The following ZDHHC17 variants were observed in gnomAD, a reference collection of about 807,000 sequenced individuals.
ZDHHC17 encodes zDHHC palmitoyltransferase 17, also known as palmitoyltransferase ZDHHC17.
ZDHHC17 carries 40 observed loss-of-function variants against 90.3 expected under a neutral mutation model. That is an observed-to-expected ratio of 0.44 (90% confidence interval 0.34 to 0.58). The LOEUF (loss-of-function observed/expected upper bound fraction) is 0.58. Ranked by LOEUF, ZDHHC17 falls within the 20% of genes least tolerant of loss-of-function variation. The pLI is 0.01. For synonymous variants in ZDHHC17, 235 were observed against 252.4 expected (o/e 0.93, Z 0.65); for missense variants, 614 against 780.8 (o/e 0.79, Z 2.55).
At chr12:76,821,675 A>G (rs1400468998) in intron 7 of ZDHHC17, among the ~76,000 whole-genome samples, 2 of 152,162 alleles carry the variant, frequency 1.3e-5, no homozygotes, top group Non-Finnish European at 2.9e-5. Flanking sequence ...CTAATTTGCA[A>G]AAGGAGAAAT....
chr12:76,823,205 A>G (rs953622358), intron 8 of ZDHHC17, among the ~76,000 whole-genome samples: 2 of 152,238 alleles, frequency 1.3e-5, no homozygotes, highest in African/African-American at 4.8e-5. Context: ...GTATGATAAT[A>G]AATTGTGAAA....
At chr12:76,784,711 C>A (rs1373244028) in intron 1 of ZDHHC17, among the ~76,000 whole-genome samples, 1 of 152,178 alleles carries the variant, frequency 6.6e-6, no homozygotes, top group Non-Finnish European at 1.5e-5. Flanking sequence ...TACATATTGG[C>A]TGCAGACAGG....
chr12:76,805,041 GGTA>G (rs1952939544), intron 2 of ZDHHC17, among the ~76,000 whole-genome samples: 1 of 151,846 alleles, frequency 6.6e-6, no homozygotes, highest in African/African-American at 2.4e-5. Flanking sequence ...TGGGATAAGT[GGTA>G]ATAAAGCAAC....
chr12:76,773,262 C>A (rs1056518145), intron 1 of ZDHHC17, among the ~76,000 whole-genome samples: 1 of 152,194 alleles, frequency 6.6e-6, no homozygotes, highest in African/African-American at 2.4e-5. Context: ...ATATGTCCTT[C>A]CCACCAATCC....
intron 10 of ZDHHC17, among the ~76,000 whole-genome samples, chr12:76,829,382 G>A (rs1456092006): frequency 3.5e-5 from 5 of 143,146 alleles, no homozygotes; most frequent in East Asian, 4.3e-4. Flanking sequence ...GTTTTAACCC[G>A]AGAGGCGGAG....
intron 1 of ZDHHC17, among the ~76,000 whole-genome samples, chr12:76,790,900 T>C (rs1952752087): frequency 7.4e-6 from 1 of 135,556 alleles, no homozygotes; most frequent in African/African-American, 2.7e-5. Flanking sequence ...CCTAGTGTTC[T>C]ATAGTATTAC....
intron 1 of ZDHHC17, among the ~76,000 whole-genome samples, chr12:76,774,075 C>T (rs1047428026): frequency 2.0e-5 from 3 of 151,850 alleles, no homozygotes; most frequent in African/African-American, 7.3e-5. Context: ...CAGTGGGATC[C>T]CTGTCTCTAC....
chr12:76,784,375 C>T (rs772623129), intron 1 of ZDHHC17, among the ~76,000 whole-genome samples: 16 of 151,926 alleles, frequency 1.1e-4, no homozygotes, highest in African/African-American at 1.9e-4. Flanking sequence ...TGGTGAAGCT[C>T]GGGTAGAAGA....
intron 1 of ZDHHC17, among the ~76,000 whole-genome samples, chr12:76,770,792 C>G (rs904235044): frequency 6.6e-6 from 1 of 151,958 alleles, no homozygotes; most frequent in Non-Finnish European, 1.5e-5. Context: ...AAAAAATTAG[C>G]CGGGCATGGG....
At position 76,849,430 on chromosome 12, in the gene ZDHHC17, C is replaced by A; in HGVS notation, c.1720C>A (p.His574Asn). 6.4e-7 allele frequency: 1 copy of A among 1,555,780 alleles called. No individual in the cohort carries two copies. The highest frequency in any genetic ancestry group is 8.7e-7 in the Non-Finnish European group (1 of 1,148,814). ...NERMNARRYK[H>N]FKVTTTSIES... Reference sequence around the variant, plus strand: ...AAGAATGAATGCCAGGAGATACAAGCACTTTAAAGTCACAACAACGTCTAT... The same window carrying A: ...AAGAATGAATGCCAGGAGATACAAGAACTTTAAAGTCACAACAACGTCTAT... The change falls in exon 16 of 17, where the codon CAC (histidine) becomes AAC (asparagine). Residue 574 changes from histidine (H) to asparagine (N), a missense_variant. Transcript: ENST00000426126.
In ZDHHC17 at chr12:76,809,796, T is replaced by C; in HGVS notation, c.482T>C (p.Ile161Thr). 1 of 1,609,906 alleles carries C rather than the reference T, an allele frequency of 6.2e-7. No individual in the cohort carries two copies. The highest frequency in any genetic ancestry group is 1.1e-5 in the South Asian group (1 of 90,352). Reference sequence around the variant, plus strand: ...ATTGATGGAGAAGGATGTAGCTGTATTCATCTGGCTGCTCAGTTCGGACAT... The same window carrying C: ...ATTGATGGAGAAGGATGTAGCTGTACTCATCTGGCTGCTCAGTTCGGACAT... ...SLIDGEGCSC[I>T]HLAAQFGHTS... Residue 161 changes from isoleucine to threonine, a missense_variant, in exon 5 of 17, where the codon ATT becomes ACT. Physicochemically the swap from Ile to Thr is moderately conservative, Grantham distance 89. Transcript: ENST00000426126.
Position 76,851,245 on chromosome 12 carries a change from A to T in ZDHHC17, c.*260A>T. On this transcript the variant is annotated 3_prime_UTR_variant, in exon 17 of 17. Transcript: ENST00000426126. ...AATGTGGAAATTCACAACATACTCA[A>T]CTTTTGGGTTTTGTTCTCACAGTAT... is the stretch of plus-strand genomic sequence containing the variant. 3 of 403,688 alleles carry T rather than the reference A, an allele frequency of 7.4e-6. No individual in the cohort carries two copies. In the South Asian group the frequency reaches 8.8e-5, roughly 12 times the overall value. 25.0% of individuals were successfully genotyped at this position (403,688 alleles called of 1,614,324 possible).
intron 10 of ZDHHC17, among the ~76,000 whole-genome samples, chr12:76,838,126 T>G (rs1953391454): frequency 6.6e-6 from 1 of 152,174 alleles, no homozygotes; most frequent in Non-Finnish European, 1.5e-5. Flanking sequence ...CTGGTTCTAA[T>G]TGTTTTATGA....
chr12:76,825,732 C>T lies in ZDHHC17; in HGVS notation c.898-1176C>T, dbSNP rs1286489393. 2.0e-5 allele frequency among the ~76,000 whole-genome samples: 3 copies of T among 152,034 alleles called. No homozygotes were observed. In the East Asian group the frequency reaches 5.8e-4, roughly 29 times the overall value. On this transcript the variant is annotated intron_variant, in intron 8 of 16. Transcript: ENST00000426126. Reference sequence around the variant, plus strand: ...GGAAGCTGATAGTATGAAAGGGGTGCTAAAAATGTGTAATATAACCTTAGC... The same window carrying T: ...GGAAGCTGATAGTATGAAAGGGGTGTTAAAAATGTGTAATATAACCTTAGC...
At chr12:76,815,826 G>GT (rs1225571148) in intron 6 of ZDHHC17, 31 bp from the exon 7 acceptor site, 1 of 1,419,664 alleles carries the variant, frequency 7.0e-7, no homozygotes, top group Non-Finnish European at 9.3e-7. Flanking sequence ...GGTTGTTGTT[G>GT]TTGTTTGTTT....
chr12:76,831,933 C>T (rs1953306576), intron 10 of ZDHHC17, among the ~76,000 whole-genome samples: 2 of 152,178 alleles, frequency 1.3e-5, no homozygotes, highest in South Asian at 4.1e-4. Context: ...AGTGTGAGCC[C>T]ATGCCTAGCT....
intron 2 of ZDHHC17, among the ~76,000 whole-genome samples, chr12:76,799,723 A>G (rs1323440330): frequency 1.3e-5 from 2 of 152,254 alleles, no homozygotes; most frequent in African/African-American, 2.4e-5. Context: ...AGAGAAATCC[A>G]GTGACAGCTA....
intron 16 of ZDHHC17, 36 bp downstream of exon 16, chr12:76,849,506 G>C (rs1953538075): frequency 9.4e-6 from 13 of 1,385,282 alleles, no homozygotes; most frequent in Non-Finnish European, 1.3e-5. Context: ...ATTTTACCTG[G>C]TCATAAAAAT....
At chr12:76,797,940 G>GA (rs1335366351) in intron 2 of ZDHHC17, among the ~76,000 whole-genome samples, 1 of 67,854 alleles carries the variant, frequency 1.5e-5, no homozygotes, top group Admixed American at 2.2e-4. Context: ...GTGAAACTCT[G>GA]CCACACACAC....
Sources: gnomAD v4.1 joint callset for allele counts (sites outside exome capture counted in the v4.1 genomes callset) on GRCh38, gnomAD v4.1.1 for gene constraint, MANE v1.5 for transcripts, NCBI Gene and HGNC (gene_info 2026-07-23, HGNC 2026-07-21) for gene names.